Variants in WNK1 observed in about 807,000 individuals in gnomAD.
WNK1 encodes serine/threonine-protein kinase WNK1.
Under a neutral mutation model 222.8 loss-of-function variants are expected in WNK1, and 38 were observed. The ratio of observed to expected loss-of-function variants is 0.17; its 90% CI spans 0.13 to 0.22. WNK1 has a LOEUF of 0.22. Among genes scored for constraint, WNK1 ranks in the 10% least tolerant of loss-of-function variants. The pLI, the probability that WNK1 is intolerant of heterozygous loss-of-function variation, is 1.00. For synonymous variants in WNK1, 1,090 were observed against 1,092.9 expected (o/e 1.00, Z 0.05); for missense variants, 2,348 against 2,918.4 (o/e 0.80, Z 4.50).
intron 4 of WNK1, chr12:851,815 T>C (rs1220829473): frequency 2.3e-6 from 3 of 1,297,908 alleles, no homozygotes; most frequent in Non-Finnish European, 3.0e-6. Flanking sequence ...TGTAACAGTT[T>C]ATATTGTAGC....
intron 8 of WNK1, chr12:868,059 G>A (rs779341670): frequency 1.9e-6 from 3 of 1,613,874 alleles, no homozygotes; most frequent in Non-Finnish European, 2.5e-6. Context: ...CCCCTGCTGA[G>A]GACTGTTGGC....
rs764293908 is a variant in WNK1 at position 754,164 on chromosome 12, A to G, written c.599A>G (p.Gln200Arg). The change falls in exon 1 of 28, where the codon CAG becomes CGG. Residue 200 changes from glutamine to arginine, a missense_variant. Gln to Arg is a conservative substitution (Grantham distance 43). Transcript: ENST00000315939. ...AKEPQEERSQ[Q>R]QDDIEELETK... ...GAGCCACAGGAGGAACGGAGCCAGC[A>G]GCAGGATGATATCGAAGAGCTGGAG... 6.2e-7 allele frequency: 1 copy of G among 1,613,328 alleles called. No individual in the cohort carries two copies. Among genetic ancestry groups the G allele is most frequent in the Non-Finnish European group, 8.5e-7 (1 of 1,180,040 alleles).
chr12:802,178 C>T (rs938053428), intron 1 of WNK1, among the ~76,000 whole-genome samples: 5 of 152,108 alleles, frequency 3.3e-5, no homozygotes, highest in Non-Finnish European at 5.9e-5. Context: ...CGTGAATGAA[C>T]GTTTTAAAGC....
In WNK1 at chr12:890,497, A is replaced by T. The variant is rs202024020; in HGVS notation, c.5493A>T (p.Thr1831=). ...CAACAGCAATCACAGAAGCAGGAAC[A>T]CAGCCTCAGAAGGGTGGTGAGAAAC... ...AAPTAITEAG[T]QPQKGVSQVK... Residue 1831 remains threonine, a synonymous_variant, in exon 22 of 28, where the codon ACA becomes ACT. Coordinates refer to ENST00000315939, the MANE Select transcript of WNK1 (RefSeq NM_018979.4). 54 of 1,614,172 alleles carry T rather than the reference A, an allele frequency of 3.3e-5. 1 individual carries two copies. The East Asian group carries it at 8.7e-4, about 26-fold the overall frequency.
At chr12:764,634 CAAA>C (rs529312629) in intron 1 of WNK1, among the ~76,000 whole-genome samples, 2 of 50,158 alleles carry the variant, frequency 4.0e-5, no homozygotes, top group Admixed American at 2.5e-4. Context: ...AACTCCGTCT[CAAA>C]AAAAAAAAAA....
chr12:829,252 A>G (rs1031499237), intron 3 of WNK1, among the ~76,000 whole-genome samples: 1 of 152,112 alleles, frequency 6.6e-6, no homozygotes, highest in Non-Finnish European at 1.5e-5. Context: ...GTGCTCATAA[A>G]TCAGTCTGTA....
chr12:882,888 T>A, intron 14 of WNK1, 55 bp from the exon 15 acceptor site: 1 of 1,137,736 alleles, frequency 8.8e-7, no homozygotes, highest in Non-Finnish European at 1.3e-6. Context: ...TTTCTGAAAT[T>A]CAGTAATAAA....
At chr12:790,366 A>T (rs776924390) in intron 1 of WNK1, among the ~76,000 whole-genome samples, 3 of 152,080 alleles carry the variant, frequency 2.0e-5, no homozygotes, top group Non-Finnish European at 4.4e-5. Flanking sequence ...GGCCTCCCAA[A>T]ATGGTGGGAT....
chr12:872,167 C>T (rs1952210709), intron 9 of WNK1, among the ~76,000 whole-genome samples: 1 of 151,892 alleles, frequency 6.6e-6, no homozygotes, highest in Non-Finnish European at 1.5e-5. Context: ...GCTCTGTTGC[C>T]CAGGCTGGAG....
intron 8 of WNK1, chr12:865,267 A>AT (rs2154069275): frequency 1.3e-6 from 2 of 1,536,068 alleles, no homozygotes; most frequent in East Asian, 4.9e-5. Context: ...ACTTTTGCCG[A>AT]AAAGCTTTCT....
intron 4 of WNK1, among the ~76,000 whole-genome samples, chr12:848,034 C>A (rs999585565): frequency 6.6e-6 from 1 of 151,942 alleles, no homozygotes; most frequent in African/African-American, 2.4e-5. Flanking sequence ...TCTTTCTTGA[C>A]CTCCTCGTGA....
intron 1 of WNK1, among the ~76,000 whole-genome samples, chr12:770,707 TG>T (rs1292447861): frequency 1.3e-5 from 2 of 152,208 alleles, no homozygotes; most frequent in Non-Finnish European, 2.9e-5. Flanking sequence ...CACAGAAATT[TG>T]GGGTTTTAAA....
chr12:857,891 C>T (rs186144821), intron 5 of WNK1, among the ~76,000 whole-genome samples: 2 of 152,226 alleles, frequency 1.3e-5, no homozygotes, highest in East Asian at 1.9e-4. Flanking sequence ...TTTGCCACCC[C>T]CTTCCATCCT....
intron 24 of WNK1, among the ~76,000 whole-genome samples, chr12:897,094 A>G (rs1047694991): frequency 2.0e-5 from 3 of 152,176 alleles, no homozygotes; most frequent in Non-Finnish European, 4.4e-5. Flanking sequence ...AGCATATTGT[A>G]TCACTATTAA....
chr12:785,226 C>CT (rs1170849811), intron 1 of WNK1, among the ~76,000 whole-genome samples: 1 of 151,998 alleles, frequency 6.6e-6, no homozygotes, highest in African/African-American at 2.4e-5. Flanking sequence ...GTATGGGTCT[C>CT]TTTTTTCCAT....
At chr12:877,294 A>G (rs1369829314) in intron 9 of WNK1, among the ~76,000 whole-genome samples, 1 of 152,104 alleles carries the variant, frequency 6.6e-6, no homozygotes, top group Non-Finnish European at 1.5e-5. Flanking sequence ...TGAACTCTGG[A>G]CCGCAGGTGA....
At chr12:789,162 A>G (rs1944605700) in intron 1 of WNK1, among the ~76,000 whole-genome samples, 1 of 152,198 alleles carries the variant, frequency 6.6e-6, no homozygotes, top group Non-Finnish European at 1.5e-5. Context: ...TTCTTAGCCC[A>G]TAATTTTCAG....
chr12:800,797 C>G (rs1159285613), intron 1 of WNK1, among the ~76,000 whole-genome samples: 1 of 152,194 alleles, frequency 6.6e-6, no homozygotes, highest in African/African-American at 2.4e-5. Flanking sequence ...AATTTGCACT[C>G]TAATGGCCCT....
At chr12:755,404 T>C (rs1939851265) in intron 1 of WNK1, among the ~76,000 whole-genome samples, 1 of 152,218 alleles carries the variant, frequency 6.6e-6, no homozygotes, top group Non-Finnish European at 1.5e-5. Context: ...ACTAATATGT[T>C]AACACGTAAC....
Sources: allele counts gnomAD v4.1 joint callset (sites outside exome capture counted in the v4.1 genomes callset), GRCh38; gene constraint gnomAD v4.1.1; transcripts MANE v1.5; gene names NCBI Gene and HGNC (gene_info 2026-07-23, HGNC 2026-07-21).